The following OPCML variants were observed in gnomAD, a reference collection of about 807,000 sequenced individuals.
OPCML encodes the protein opioid-binding protein/cell adhesion molecule.
In OPCML, 13 loss-of-function variants were observed where a neutral mutation model predicts 37.8. The ratio of observed to expected loss-of-function variants is 0.34; its 90% confidence interval spans 0.22 to 0.55. The LOEUF (loss-of-function observed/expected upper bound fraction) is 0.55, where lower values mean the gene tolerates loss of function less well. Among genes scored for constraint, OPCML ranks in the 20% least tolerant of loss-of-function variants. The probability of loss-of-function intolerance (pLI) is 0.91; values close to 1 mark genes in which losing one functional copy is unlikely to be tolerated. For synonymous variants in OPCML, 176 were observed against 168.8 expected, an observed-to-expected ratio of 1.04 and a Z score of -0.33; for missense variants, 341 against 435.6, an observed-to-expected ratio of 0.78 and a Z score of 1.93.
chr11:133,123,103 A>T (rs781411107), intron 1 of OPCML, among the ~76,000 whole-genome samples: 2 of 152,224 alleles, frequency 1.3e-5, no homozygotes, highest in Non-Finnish European at 2.9e-5. Flanking sequence ...CTCTCAGAGC[A>T]GTGCATACAC....
chr11:132,796,185 G>A (rs936264917), intron 2 of OPCML, among the ~76,000 whole-genome samples: 2 of 152,122 alleles, frequency 1.3e-5, no homozygotes, highest in Non-Finnish European at 2.9e-5. Flanking sequence ...TGAGGTTCCA[G>A]AATCAATTCT....
intron 1 of OPCML, among the ~76,000 whole-genome samples, chr11:133,341,361 T>TA (rs1158068335): frequency 6.6e-6 from 1 of 152,192 alleles, no homozygotes; most frequent in Non-Finnish European, 1.5e-5. Flanking sequence ...CTCGACCAGA[T>TA]AGACAACTTA....
At chr11:132,689,879 G>T (rs949913316) in intron 2 of OPCML, among the ~76,000 whole-genome samples, 3 of 152,142 alleles carry the variant, frequency 2.0e-5, no homozygotes, top group African/African-American at 7.2e-5. Context: ...AGTTAACAAA[G>T]AATTAAAATT....
chr11:132,987,713 G>A lies in OPCML; in HGVS notation c.62-44703C>T, dbSNP rs888767323. ...GATATGGAGAGAAATGAATGAATGC[G>A]TGGAGAAAAAGGAAGCATAGCGTCT... is the stretch of plus-strand genomic sequence containing the variant. On this transcript the variant is annotated intron_variant, in intron 1 of 7. Coordinates refer to ENST00000524381, the MANE Select transcript of OPCML (RefSeq NM_001012393.5). Among the ~76,000 whole-genome samples the A allele has an allele frequency of 4.6e-5, 7 of 152,084 alleles. No individual in the cohort carries two copies. The South Asian group carries it at 6.2e-4, about 14-fold the overall frequency.
At chr11:132,616,130 T>A (rs1938999554) in intron 3 of OPCML, among the ~76,000 whole-genome samples, 1 of 152,228 alleles carries the variant, frequency 6.6e-6, no homozygotes, top group Non-Finnish European at 1.5e-5. Flanking sequence ...TTTTTGTACT[T>A]ACCATCTAAT....
intron 4 of OPCML, among the ~76,000 whole-genome samples, chr11:132,511,090 T>C (rs574291223): frequency 6.6e-5 from 10 of 152,198 alleles, no homozygotes; most frequent in African/African-American, 2.4e-4. Context: ...CTAAAAAAAG[T>C]ACTAGAATCA....
chr11:133,321,805 G>C (rs1219813499), intron 1 of OPCML, among the ~76,000 whole-genome samples: 1 of 152,194 alleles, frequency 6.6e-6, no homozygotes, highest in African/African-American at 2.4e-5. Flanking sequence ...TGATTCCGTG[G>C]GTTCCAGGTG....
intron 3 of OPCML, among the ~76,000 whole-genome samples, chr11:132,655,499 C>A (rs1418707430): frequency 1.3e-5 from 2 of 152,224 alleles, no homozygotes; most frequent in Non-Finnish European, 2.9e-5. Context: ...GCAGTCTTGT[C>A]ACTCCAGAGC....
intron 1 of OPCML, among the ~76,000 whole-genome samples, chr11:133,457,456 T>C (rs1269472924): frequency 6.6e-6 from 1 of 152,134 alleles, no homozygotes; most frequent in African/African-American, 2.4e-5. Flanking sequence ...GGAGGATCAC[T>C]TGAGCCTGGG....
intron 2 of OPCML, among the ~76,000 whole-genome samples, chr11:132,712,143 C>A (rs770381868): frequency 6.6e-5 from 10 of 152,198 alleles, no homozygotes; most frequent in Non-Finnish European, 1.3e-4. Flanking sequence ...ACAGCTATAT[C>A]TCACAGAAAT....
chr11:133,207,953 T>C (rs1402858435), intron 1 of OPCML, among the ~76,000 whole-genome samples: 4 of 152,184 alleles, frequency 2.6e-5, no homozygotes, highest in Non-Finnish European at 5.9e-5. Flanking sequence ...TGTTTTTGCC[T>C]GAAAAATATT....
intron 1 of OPCML, among the ~76,000 whole-genome samples, chr11:133,350,685 T>C (rs1218146793): frequency 5.3e-5 from 8 of 152,210 alleles, no homozygotes; most frequent in Non-Finnish European, 1.2e-4. Flanking sequence ...TTGTTTTACC[T>C]TAAGGAGAAG....
At chr11:132,756,861 A>T (rs1479120923) in intron 2 of OPCML, among the ~76,000 whole-genome samples, 1 of 152,144 alleles carries the variant, frequency 6.6e-6, no homozygotes, top group East Asian at 1.9e-4. Flanking sequence ...AACATGTGCC[A>T]TGGTGGTTTG....
intron 3 of OPCML, among the ~76,000 whole-genome samples, chr11:132,648,709 C>G (rs1431087379): frequency 3.3e-5 from 5 of 152,064 alleles, no homozygotes; most frequent in African/African-American, 1.2e-4. Flanking sequence ...AAACCAGGTG[C>G]CAGGACTGGC....
In OPCML at chr11:133,306,461, A is replaced by C. The variant is rs1016688498; in HGVS notation, c.61+225803T>G. Among the ~76,000 whole-genome samples, 4 of 152,192 alleles carry C rather than the reference A, an allele frequency of 2.6e-5. No homozygotes were observed. The East Asian group carries it at 7.7e-4, about 29-fold the overall frequency. Reference sequence around the variant, plus strand: ...CACTCTAAAATTGACATTGGTTTCAATTTACAAAGGAAAATCTCTTGTCTT... The same window carrying C: ...CACTCTAAAATTGACATTGGTTTCACTTTACAAAGGAAAATCTCTTGTCTT... On this transcript the variant is annotated intron_variant, in intron 1 of 7. Coordinates refer to ENST00000524381, the MANE Select transcript of OPCML (RefSeq NM_001012393.5).
chr11:133,237,816 A>G (rs904378059), intron 1 of OPCML, among the ~76,000 whole-genome samples: 4 of 152,192 alleles, frequency 2.6e-5, no homozygotes, highest in African/African-American at 9.6e-5. Context: ...CCCCACTGCC[A>G]AAGCCCAGCC....
intron 1 of OPCML, among the ~76,000 whole-genome samples, chr11:133,351,003 T>C (rs12804596): frequency 0.28 from 42,595 of 152,056 alleles, 6,307 homozygotes; most frequent in Admixed American, 0.33. Context: ...ACTTCCTATG[T>C]CTCTATCTCC....
chr11:133,430,127 A>G (rs1183615561), intron 1 of OPCML, among the ~76,000 whole-genome samples: 3 of 152,174 alleles, frequency 2.0e-5, no homozygotes, highest in African/African-American at 7.2e-5. Context: ...TAAGCTGTGC[A>G]AATACCGCTG....
chr11:132,648,664 G>C (rs965352390), intron 3 of OPCML, among the ~76,000 whole-genome samples: 10 of 151,964 alleles, frequency 6.6e-5, no homozygotes, highest in African/African-American at 2.4e-4. Context: ...ACCATGCCCA[G>C]CTAATTTTTT....
Sources: gnomAD v4.1 joint callset for allele counts (sites outside exome capture counted in the v4.1 genomes callset) on GRCh38, gnomAD v4.1.1 for gene constraint, MANE v1.5 for transcripts, NCBI Gene and HGNC (gene_info 2026-07-23, HGNC 2026-07-21) for gene names.